IQCH: variants seen among roughly 807,000 people sequenced by gnomAD.
IQCH encodes IQ motif containing H, also known as IQ domain-containing protein H.
IQCH carries 98 observed loss-of-function variants against 117.0 expected under a neutral mutation model. The observed-to-expected ratio is 0.84, with a 90% CI of 0.71 to 0.99. The LOEUF (loss-of-function observed/expected upper bound fraction) is 0.99, where lower values mean the gene tolerates loss of function less well. IQCH is among the 50% of genes least tolerant of loss of function. The pLI is 0.00. For synonymous variants in IQCH, 412 were observed against 448.2 expected (o/e 0.92, Z 1.02); for missense variants, 1,102 against 1,243.8 (o/e 0.89, Z 1.72).
intron 13 of IQCH, among the ~76,000 whole-genome samples, chr15:67,397,073 A>G (rs565722515): frequency 5.3e-5 from 8 of 152,208 alleles, no homozygotes; most frequent in Admixed American, 1.3e-4. Flanking sequence ...AGATTGCTTG[A>G]CTCTGCTTCA....
chr15:67,384,841 T>C lies in IQCH; in HGVS notation c.1373-95T>C, dbSNP rs1185907828. ...AGATGCTTCAGAGAAAATTTTTTCC[T>C]GGAAATATGGACTGTGACATTTTGA... On this transcript the variant is annotated intron_variant, in intron 10 of 20. Coordinates refer to ENST00000335894, the MANE Select transcript of IQCH (RefSeq NM_001031715.3). This position sits in a 1 kb window ranked among gnomAD's most constrained non-coding sequence, Gnocchi z 4.3. 4 of 809,408 alleles carry C rather than the reference T, an allele frequency of 4.9e-6. No individual in the cohort carries two copies. In the African/African-American group the frequency reaches 5.2e-5, roughly 10 times the overall value. The allele number at this position is 809,408 out of a possible 1,614,324, so 50.1% of individuals were successfully genotyped here. A position where few individuals can be genotyped will look rare whatever the true frequency, so the allele number is the denominator to read the frequency against.
At position 67,344,202 on chromosome 15, in the gene IQCH, C is replaced by CA. The variant is rs144731544; in HGVS notation, c.637+12dup. 2.7e-3 allele frequency: 4,279 copies of CA among 1,611,832 alleles called. 86 individuals are homozygous for CA. The African/African-American group carries it at 0.05, about 19-fold the overall frequency. On this transcript the variant is annotated intron_variant, in intron 6 of 20. Coordinates refer to ENST00000335894, the MANE Select transcript of IQCH (RefSeq NM_001031715.3). The stretch of plus-strand genomic sequence containing the variant: ...AGATTCCAACTGTAGGTAAGATACT[C>CA]ATGCATCTCAGTTCAGTTGGGGACA...
intron 4 of IQCH, chr15:67,304,270 G>A: frequency 1.4e-6 from 1 of 718,676 alleles, no homozygotes; most frequent in East Asian, 2.8e-5. Flanking sequence ...AAACTCCTTT[G>A]AGGATATAAA....
chr15:67,377,029 A>C (rs1970758083), intron 10 of IQCH, among the ~76,000 whole-genome samples: 1 of 151,630 alleles, frequency 6.6e-6, no homozygotes, highest in Non-Finnish European at 1.5e-5. Context: ...AAGCAGGAGA[A>C]TCGCTTGAAC....
Position 67,390,034 on chromosome 15 carries a change from A to G in IQCH, c.1632+1028A>G, listed in dbSNP as rs935593385. 1.3e-5 allele frequency among the ~76,000 whole-genome samples: 2 copies of G among 152,232 alleles called. No homozygotes were observed. The highest frequency in any genetic ancestry group is 2.1e-4 in the South Asian group (1 of 4,818). On this transcript the variant is annotated intron_variant, in intron 12 of 20. Transcript: ENST00000335894. This position sits in a 1 kb window ranked among gnomAD's most constrained non-coding sequence, Gnocchi z 5.0. Reference sequence around the variant, plus strand: ...GAAGATTTTATTTTTTCATAACTGGATGCCTCAGTATTCCCCTAAAAACCC... The same window carrying G: ...GAAGATTTTATTTTTTCATAACTGGGTGCCTCAGTATTCCCCTAAAAACCC...
At chr15:67,492,053 C>T (rs2083669071) in intron 19 of IQCH, among the ~76,000 whole-genome samples, 1 of 152,170 alleles carries the variant, frequency 6.6e-6, no homozygotes, top group South Asian at 2.1e-4. Flanking sequence ...TCTCCCCAAA[C>T]TTGACACGGT....
chr15:67,263,290 C>G, intron 3 of IQCH, 74 bp downstream of exon 3: 1 of 759,388 alleles, frequency 1.3e-6, no homozygotes, highest in Non-Finnish European at 2.3e-6. Flanking sequence ...AGTGAGATGA[C>G]TATAAAATAT....
chr15:67,448,163 G>GTT, intron 16 of IQCH, among the ~76,000 whole-genome samples: 1 of 151,512 alleles, frequency 6.6e-6, no homozygotes. Context: ...GACTCTGTGT[G>GTT]TGTGTGTGTG....
intron 8 of IQCH, 139 bp downstream of exon 8, chr15:67,360,024 T>C: frequency 1.5e-6 from 1 of 657,814 alleles, no homozygotes. Context: ...GTAAAAGAAA[T>C]TAGATCATGG....
chr15:67,421,637 A>G (rs1296333303), intron 16 of IQCH, 60 bp downstream of exon 16: 2 of 1,529,010 alleles, frequency 1.3e-6, no homozygotes, highest in Non-Finnish European at 1.8e-6. Flanking sequence ...CACCCTACAC[A>G]CCTACAGTAC....
chr15:67,380,730 T>A lies in IQCH; in HGVS notation c.1373-4206T>A, dbSNP rs57378850. Among the ~76,000 whole-genome samples, 1,069 of 152,276 alleles carry A rather than the reference T, an allele frequency of 7.0e-3. 8 individuals are homozygous for A. The highest frequency in any genetic ancestry group is 0.023 in the African/African-American group (971 of 41,556). Reference sequence around the variant, plus strand: ...TCACCTTTCTTCCAGTGTGCTCTCTTGATTAGGAGAGAAAGGGATGGAGTA... The same window carrying A: ...TCACCTTTCTTCCAGTGTGCTCTCTAGATTAGGAGAGAAAGGGATGGAGTA... On this transcript the variant is annotated intron_variant, in intron 10 of 20. Transcript: ENST00000335894.
At chr15:67,283,314 A>G (rs1966437726) in intron 4 of IQCH, among the ~76,000 whole-genome samples, 1 of 152,224 alleles carries the variant, frequency 6.6e-6, no homozygotes, top group African/African-American at 2.4e-5. Context: ...ATACAGTACA[A>G]GTACGTATGC....
chr15:67,455,186 T>C (rs894671141), intron 16 of IQCH, among the ~76,000 whole-genome samples: 4 of 152,190 alleles, frequency 2.6e-5, no homozygotes, highest in Non-Finnish European at 5.9e-5. Flanking sequence ...CAAAGATTGA[T>C]TGGGCACTAC....
intron 7 of IQCH, among the ~76,000 whole-genome samples, chr15:67,358,207 C>CTTTGTTTTTTTTTTTTTTTTT (rs1969988028): frequency 9.6e-5 from 1 of 10,450 alleles, no homozygotes; most frequent in East Asian, 2.6e-3. Context: ...ACTTTCTTTT[C>CTTTGTTTTTTTTTTTTTTTTT]TTTTTTTTTT....
intron 3 of IQCH, among the ~76,000 whole-genome samples, chr15:67,268,855 C>T (rs890967612): frequency 3.3e-5 from 5 of 152,068 alleles, no homozygotes; most frequent in Non-Finnish European, 7.4e-5. Context: ...GAGGGGCATT[C>T]GCATGCTCAC....
At chr15:67,414,024 G>T (rs890295311) in intron 14 of IQCH, among the ~76,000 whole-genome samples, 2 of 152,210 alleles carry the variant, frequency 1.3e-5, no homozygotes, top group Non-Finnish European at 2.9e-5. Context: ...TGCATCTGAG[G>T]TGACACTTCA....
chr15:67,293,588 A>C (rs1004234887), intron 4 of IQCH, among the ~76,000 whole-genome samples: 1 of 152,216 alleles, frequency 6.6e-6, no homozygotes, highest in Non-Finnish European at 1.5e-5. Context: ...GTACAGATAC[A>C]TTTTTTAAAA....
chr15:67,346,460 C>T (rs939979267), intron 6 of IQCH, among the ~76,000 whole-genome samples: 1 of 152,092 alleles, frequency 6.6e-6, no homozygotes, highest in Non-Finnish European at 1.5e-5. Flanking sequence ...ATCAGGCATT[C>T]GATTCTCATA....
At chr15:67,498,628 A>AAAAATT (rs60915720) in intron 20 of IQCH, among the ~76,000 whole-genome samples, 2,021 of 148,764 alleles carry the variant, frequency 0.014, 21 homozygotes, top group Middle Eastern at 0.021. Context: ...AAAAAAAAAA[A>AAAAATT]TAAGTTAAAA....
Sources: allele counts gnomAD v4.1 joint callset (sites outside exome capture counted in the v4.1 genomes callset), GRCh38; gene constraint gnomAD v4.1.1; non-coding constraint Gnocchi (gnomAD v3.1); transcripts MANE v1.5; gene names NCBI Gene and HGNC (gene_info 2026-07-23, HGNC 2026-07-21).